Variants in DZANK1 observed in about 807,000 individuals in gnomAD.
DZANK1 encodes double zinc ribbon and ankyrin repeat-containing protein 1.
DZANK1 carries 91 observed loss-of-function variants against 94.5 expected under a neutral mutation model. That is an observed-to-expected ratio of 0.96 (90% CI 0.81 to 1.15). The LOEUF (loss-of-function observed/expected upper bound fraction) is 1.15, where lower values mean the gene tolerates loss of function less well. Ranked by LOEUF, DZANK1 falls within the 50% of genes most tolerant of loss-of-function variation. DZANK1 has a pLI of 0.00. For synonymous variants in DZANK1, 312 were observed against 325.3 expected (o/e 0.96, Z 0.44); for missense variants, 903 against 916.4 (o/e 0.99, Z 0.19).
chr20:18,384,031 C>T (rs1216718272), exon 21 of DZANK1: 3 of 163,886 alleles, frequency 1.8e-5, no homozygotes, highest in Admixed American at 1.2e-4. Flanking sequence ...TTCAGAAAGA[C>T]ATGATTAAAG....
intron 14 of DZANK1, 22 bp from the exon 15 acceptor site, chr20:18,396,568 G>C: frequency 1.3e-6 from 2 of 1,595,868 alleles, no homozygotes; most frequent in Non-Finnish European, 1.7e-6. Context: ...GTTGTAGAGA[G>C]AATTCATAAC....
Position 18,460,323 on chromosome 20 carries a change from A to G in DZANK1, c.110-17T>C. Reference sequence around the variant, plus strand: ...CTGGAGTGTCTGAAAAATCCAAAACAGGATAACTATAATTAACACCAAAGT... The same window carrying G: ...CTGGAGTGTCTGAAAAATCCAAAACGGGATAACTATAATTAACACCAAAGT... On this transcript the variant is annotated splice_polypyrimidine_tract_variant and intron_variant, in intron 2 of 20. Coordinates refer to ENST00000262547, the Ensembl canonical transcript of DZANK1. 2 of 1,494,648 alleles carry G rather than the reference A, an allele frequency of 1.3e-6. No individual in the cohort carries two copies. The highest frequency in any genetic ancestry group is 1.8e-6 in the Non-Finnish European group (2 of 1,105,012). 92.6% of individuals were successfully genotyped at this position (1,494,648 alleles called of 1,614,324 possible).
intron 19 of DZANK1, among the ~76,000 whole-genome samples, chr20:18,387,422 T>A (rs1278263001): frequency 6.6e-6 from 1 of 152,244 alleles, no homozygotes; most frequent in Non-Finnish European, 1.5e-5. Flanking sequence ...AATCTAAGTA[T>A]CATGGTAGAT....
At chr20:18,459,267 C>A (rs1027017246) in intron 3 of DZANK1, among the ~76,000 whole-genome samples, 2 of 152,202 alleles carry the variant, frequency 1.3e-5, no homozygotes, top group Admixed American at 1.3e-4. Context: ...ATTTGCAGCA[C>A]ACACTTTAAA....
exon 10 of DZANK1, chr20:18,427,152 ACCTTCT>A: frequency 1.2e-6 from 2 of 1,612,468 alleles, no homozygotes; most frequent in Non-Finnish European, 1.7e-6. Context: ...CCGGCAAATT[ACCTTCT>A]CCTTAACAAC....
chr20:18,414,386 G>A, exon 12 of DZANK1: 6 of 1,613,996 alleles, frequency 3.7e-6, no homozygotes, highest in Non-Finnish European at 5.1e-6. Context: ...GCTAGAGCCA[G>A]GCTTCTGTCC....
chr20:18,443,252 T>C (rs2058767490), intron 8 of DZANK1, 95 bp downstream of exon 8: 7 of 829,380 alleles, frequency 8.4e-6, no homozygotes, highest in Non-Finnish European at 1.0e-5. Flanking sequence ...CAAGTATTTA[T>C]ATGTGCAGTT....
chr20:18,409,384 T>C (rs1356469797), intron 13 of DZANK1, among the ~76,000 whole-genome samples: 1 of 152,136 alleles, frequency 6.6e-6, no homozygotes, highest in Non-Finnish European at 1.5e-5. Context: ...CAGAAGACAG[T>C]AGATCAACGT....
intron 10 of DZANK1, chr20:18,421,126 C>G (rs2057759869): frequency 6.5e-6 from 1 of 154,578 alleles, no homozygotes; most frequent in Non-Finnish European, 1.5e-5. Flanking sequence ...TACAATATAT[C>G]TACATCTCTT....
In DZANK1 at chr20:18,414,380, G is replaced by C. The variant is rs771936124; in HGVS notation, c.1210C>G (p.Leu404Val). ...AAAGGGCGAGGTTCCTCAGCAGCTA[G>C]AGCCAGGCTTCTGTCCAAGCTAAGT... The change falls in exon 12 of 21, where the codon CTA becomes GTA. Residue 404 changes from leucine to valine, a missense_variant. By Grantham distance (32) the Leu-to-Val change is conservative. Transcript: ENST00000262547. The C allele has an allele frequency of 1.7e-5, 28 of 1,613,844 alleles. No homozygotes were observed. The highest frequency in any genetic ancestry group is 2.4e-5 in the Non-Finnish European group (28 of 1,179,892).
chr20:18,396,708 C>A (rs562226827), intron 14 of DZANK1, among the ~76,000 whole-genome samples, 162 bp from the exon 15 acceptor site: 1 of 152,068 alleles, frequency 6.6e-6, no homozygotes, highest in Non-Finnish European at 1.5e-5. Context: ...AAAAACTAGA[C>A]GAGATAAATA....
chr20:18,462,550 A>G lies in DZANK1; in HGVS notation c.110-2244T>C, dbSNP rs148840668. Reference sequence around the variant, plus strand: ...TCAAAGAGATGCAAATCAAAACCACAGTGAGACACCATCTCACACCAGTCA... The same window carrying G: ...TCAAAGAGATGCAAATCAAAACCACGGTGAGACACCATCTCACACCAGTCA... On this transcript the variant is annotated intron_variant, in intron 2 of 20. Coordinates refer to ENST00000262547, the Ensembl canonical transcript of DZANK1. Among the ~76,000 whole-genome samples the G allele has an allele frequency of 2.0e-3, 311 of 152,328 alleles. 2 individuals carry two copies. The highest frequency in any genetic ancestry group is 0.014 in the Middle Eastern group (4 of 294).
At chr20:18,389,815 T>C (rs371372338) in exon 19 of DZANK1, 7 of 1,613,820 alleles carry the variant, frequency 4.3e-6, no homozygotes, top group East Asian at 2.2e-5. Flanking sequence ...ATCACAGCAG[T>C]TGGGGTCTGC....
chr20:18,418,448 A>G (rs950776471), intron 10 of DZANK1, among the ~76,000 whole-genome samples: 8 of 152,212 alleles, frequency 5.3e-5, no homozygotes, highest in Non-Finnish European at 1.2e-4. Flanking sequence ...TAAAGATAAA[A>G]TATCTGAATG....
chr20:18,465,834 T>C (rs2059629859), intron 1 of DZANK1, among the ~76,000 whole-genome samples: 2 of 152,204 alleles, frequency 1.3e-5, no homozygotes, highest in African/African-American at 4.8e-5. Context: ...GCTAACTTTT[T>C]TGGGAAAGCT....
At chr20:18,385,981 T>C (rs2148115502) in intron 19 of DZANK1, among the ~76,000 whole-genome samples, 1 of 152,208 alleles carries the variant, frequency 6.6e-6, no homozygotes, top group South Asian at 2.1e-4. Flanking sequence ...CCTGAAAGGC[T>C]CCTATGCAGA....
intron 10 of DZANK1, among the ~76,000 whole-genome samples, chr20:18,426,794 C>T (rs112775541): frequency 6.6e-6 from 1 of 152,068 alleles, no homozygotes; most frequent in Non-Finnish European, 1.5e-5. Context: ...AGTTCACTTC[C>T]CCACAGGCTA....
chr20:18,433,602 A>G, intron 9 of DZANK1, 50 bp downstream of exon 9: 1 of 1,573,784 alleles, frequency 6.4e-7, no homozygotes, highest in Non-Finnish European at 8.7e-7. Flanking sequence ...TACCTGTTCA[A>G]ACATTACTAT....
chr20:18,410,517 G>A (rs1157791213), intron 13 of DZANK1, among the ~76,000 whole-genome samples: 1 of 151,946 alleles, frequency 6.6e-6, no homozygotes, highest in Non-Finnish European at 1.5e-5. Flanking sequence ...GAACAAAAAA[G>A]GCATTTAGAA....
Sources: gnomAD v4.1 joint callset for allele counts (sites outside exome capture counted in the v4.1 genomes callset) on GRCh38, gnomAD v4.1.1 for gene constraint, MANE v1.5 for transcripts, NCBI Gene and HGNC (gene_info 2026-07-23, HGNC 2026-07-21) for gene names.